SBF2: variants seen among roughly 807,000 people sequenced by gnomAD.
The protein encoded by SBF2 is SET binding factor 2, also known as myotubularin-related protein 13.
SBF2 carries 112 observed loss-of-function variants against 225.2 expected under a neutral mutation model. The observed-to-expected ratio is 0.50, with a 90% CI of 0.43 to 0.58. The LOEUF is 0.58. Among genes scored for constraint, SBF2 ranks in the 20% least tolerant of loss-of-function variants. The pLI, the probability that SBF2 is intolerant of heterozygous loss-of-function variation, is 0.00. For synonymous variants in SBF2, 763 were observed against 773.3 expected (o/e 0.99, Z 0.22); for missense variants, 1,996 against 2,206.2 (o/e 0.90, Z 1.91).
intron 6 of SBF2, among the ~76,000 whole-genome samples, chr11:10,020,399 C>G (rs1948806158): frequency 6.6e-6 from 1 of 152,106 alleles, no homozygotes; most frequent in South Asian, 2.1e-4. Flanking sequence ...AGAGAGCCTA[C>G]CTCAAGGGAA....
chr11:10,186,558 T>C (rs903137107), intron 2 of SBF2, among the ~76,000 whole-genome samples: 1 of 152,070 alleles, frequency 6.6e-6, no homozygotes, highest in Admixed American at 6.6e-5. Context: ...TCAAAAAAAA[T>C]GTGTTCATCA....
intron 1 of SBF2, among the ~76,000 whole-genome samples, chr11:10,221,506 T>C (rs4910102): frequency 0.59 from 89,749 of 151,994 alleles, 27,098 homozygotes; most frequent in East Asian, 0.97. Context: ...TCTCAACTAA[T>C]TTATGCATCA....
chr11:10,286,166 G>GCGCGCACA lies in SBF2; in HGVS notation c.55+7848_55+7849insTGTGCGCG, dbSNP rs373771420. Among the ~76,000 whole-genome samples the GCGCGCACA allele has an allele frequency of 1.1e-3, 165 of 147,354 alleles. 1 individual carries two copies. The highest frequency in any genetic ancestry group is 3.4e-3 in the African/African-American group (134 of 39,858). On this transcript the variant is annotated intron_variant, in intron 1 of 39. Coordinates refer to ENST00000256190, the MANE Select transcript of SBF2 (RefSeq NM_030962.4). ...AATTTCTTCACATAAACACGCACAC[G>GCGCGCACA]CACACACACACACACACACACACAC...
intron 1 of SBF2, among the ~76,000 whole-genome samples, chr11:10,262,346 T>C (rs900428085): frequency 1.5e-4 from 23 of 152,200 alleles, no homozygotes; most frequent in African/African-American, 5.3e-4. Context: ...TCGTTGTATT[T>C]GAAATTTTTC....
At chr11:10,207,083 C>A (rs1358389566) in intron 1 of SBF2, among the ~76,000 whole-genome samples, 1 of 152,058 alleles carries the variant, frequency 6.6e-6, no homozygotes, top group African/African-American at 2.4e-5. Flanking sequence ...ACAAAGAAGT[C>A]TTGAAAGAAG....
At chr11:10,297,407 G>C (rs1487680383), upstream of SBF2, among the ~76,000 whole-genome samples, 1 of 151,882 alleles carries the variant, frequency 6.6e-6, no homozygotes, top group Non-Finnish European at 1.5e-5. Flanking sequence ...TTTTAATTTT[G>C]ATAAAGTCCA....
intron 9 of SBF2, among the ~76,000 whole-genome samples, chr11:9,996,123 G>A (rs1313680415): frequency 6.6e-6 from 1 of 152,160 alleles, no homozygotes; most frequent in African/African-American, 2.4e-5. Flanking sequence ...CGAGTATGCA[G>A]CAGAACCCTT....
chr11:10,218,349 C>A (rs1438162577), intron 1 of SBF2, among the ~76,000 whole-genome samples: 1 of 121,034 alleles, frequency 8.3e-6, no homozygotes, highest in African/African-American at 3.1e-5. Context: ...GATTCAATTA[C>A]CTCCCACCAG....
intron 17 of SBF2, among the ~76,000 whole-genome samples, 179 bp downstream of exon 17, chr11:9,895,764 G>C (rs1861201549): frequency 6.6e-6 from 1 of 152,156 alleles, no homozygotes; most frequent in African/African-American, 2.4e-5. Context: ...AGATGATTTA[G>C]TGTTCTATAT....
At chr11:9,821,629 A>C (rs1854761732) in intron 28 of SBF2, among the ~76,000 whole-genome samples, 1 of 152,230 alleles carries the variant, frequency 6.6e-6, no homozygotes, top group Non-Finnish European at 1.5e-5. Context: ...GTGTTTTTCC[A>C]AGCTGCAGGA....
chr11:9,978,229 T>G (rs1271332365), intron 13 of SBF2, among the ~76,000 whole-genome samples: 2 of 152,188 alleles, frequency 1.3e-5, no homozygotes, highest in Admixed American at 1.3e-4. Flanking sequence ...CATGTTCTGT[T>G]TTTTAACTTT....
In SBF2 at chr11:9,919,698, T is replaced by C. The variant is rs552347188; in HGVS notation, c.1861-23687A>G. 3.8e-3 allele frequency among the ~76,000 whole-genome samples: 581 copies of C among 152,288 alleles called. 3 individuals carry two copies. The highest frequency in any genetic ancestry group is 5.2e-3 in the South Asian group (25 of 4,818). On this transcript the variant is annotated intron_variant, in intron 16 of 39. Transcript: ENST00000256190. Reference sequence around the variant, plus strand: ...CCAGGTCCAGGGTGTGGCCCCGGGCTGTCTGCTTGTGGATTTCATTTCTGC... The same window carrying C: ...CCAGGTCCAGGGTGTGGCCCCGGGCCGTCTGCTTGTGGATTTCATTTCTGC...
In SBF2 at chr11:9,944,008, T is replaced by A. The variant is rs1009210898; in HGVS notation, c.1860+17949A>T. ...AATGAAATATCCTTCAATAGCAGAA[T>A]GGGCTTAAACATCAGTGAAAATAAA... On this transcript the variant is annotated intron_variant, in intron 16 of 39. Transcript: ENST00000256190. 5.3e-5 allele frequency among the ~76,000 whole-genome samples: 8 copies of A among 152,312 alleles called. No homozygotes were observed. In the East Asian group the frequency reaches 1.5e-3, roughly 29 times the overall value.
At chr11:10,227,122 T>A (rs1958601353) in intron 1 of SBF2, among the ~76,000 whole-genome samples, 1 of 152,326 alleles carries the variant, frequency 6.6e-6, no homozygotes, top group Non-Finnish European at 1.5e-5. Flanking sequence ...ATAAATGTCT[T>A]CTTTTGAGAA....
At chr11:9,877,421 A>G (rs933956109) in intron 17 of SBF2, among the ~76,000 whole-genome samples, 1 of 152,192 alleles carries the variant, frequency 6.6e-6, no homozygotes, top group African/African-American at 2.4e-5. Flanking sequence ...TTATACTTTA[A>G]GTTCTAGGGT....
chr11:10,286,350 G>GTT (rs1298563061), intron 1 of SBF2, among the ~76,000 whole-genome samples: 1 of 107,642 alleles, frequency 9.3e-6, no homozygotes, highest in Non-Finnish European at 2.2e-5. Context: ...TTTGTTCTTT[G>GTT]GTTTTTTTTT....
At chr11:10,265,891 G>A (rs761421318) in intron 1 of SBF2, among the ~76,000 whole-genome samples, 4 of 152,094 alleles carry the variant, frequency 2.6e-5, no homozygotes, top group Non-Finnish European at 5.9e-5. Context: ...GCGCATGTGT[G>A]TGTGTGTTTT....
intron 19 of SBF2, 100 bp downstream of exon 19, chr11:9,856,358 T>A: frequency 6.9e-7 from 1 of 1,447,972 alleles, no homozygotes. Flanking sequence ...TTTTGAAATA[T>A]GTACAGCAGT....
intron 1 of SBF2, among the ~76,000 whole-genome samples, chr11:10,205,923 G>C (rs1957736210): frequency 6.6e-6 from 1 of 151,752 alleles, no homozygotes; most frequent in African/African-American, 2.4e-5. Context: ...TGTTTCTATG[G>C]GCTTAAGAAT....
Sources: allele counts gnomAD v4.1 joint callset (sites outside exome capture counted in the v4.1 genomes callset), GRCh38; gene constraint gnomAD v4.1.1; transcripts MANE v1.5; gene names NCBI Gene and HGNC (gene_info 2026-07-23, HGNC 2026-07-21).